The following CFAP299 variants were observed in gnomAD, a reference collection of about 807,000 sequenced individuals.
CFAP299 encodes cilia and flagella associated protein 299, also known as cilia- and flagella-associated protein 299.
In CFAP299, 21 loss-of-function variants were observed where a neutral mutation model predicts 27.0. The observed-to-expected ratio is 0.78, with a 90% CI of 0.55 to 1.12. CFAP299 has a LOEUF of 1.12. CFAP299 is among the 50% of genes most tolerant of loss of function. The pLI, the probability that CFAP299 is intolerant of heterozygous loss-of-function variation, is 0.00. For synonymous variants in CFAP299, 104 were observed against 98.1 expected (o/e 1.06, Z -0.36); for missense variants, 310 against 276.6 (o/e 1.12, Z -0.86).
Position 80,636,297 on chromosome 4 carries a change from A to G in CFAP299, c.333+53114A>G, listed in dbSNP as rs145340665. ...TATCCTCAGACCCTTCCTTTTCAAT[A>G]TTAAAAGGTCATCTATGAGTAAATG... is the stretch of plus-strand genomic sequence containing the variant. On this transcript the variant is annotated intron_variant, in intron 3 of 5. Transcript: ENST00000358105. Among the ~76,000 whole-genome samples the G allele has an allele frequency of 5.3e-5, 8 of 152,252 alleles. No homozygotes were observed. The East Asian group carries it at 1.4e-3, about 26-fold the overall frequency.
intron 3 of CFAP299, among the ~76,000 whole-genome samples, chr4:80,612,119 C>T (rs1738015460): frequency 6.6e-6 from 1 of 151,802 alleles, no homozygotes; most frequent in South Asian, 2.1e-4. Context: ...AGAATCCATA[C>T]AAACACATAA....
chr4:80,523,402 G>T (rs906518620), intron 2 of CFAP299, among the ~76,000 whole-genome samples: 1 of 152,080 alleles, frequency 6.6e-6, no homozygotes, highest in Admixed American at 6.6e-5. Flanking sequence ...TAAAATAATA[G>T]AATGTTTTAT....
chr4:80,725,404 C>T (rs1723100157), intron 3 of CFAP299, among the ~76,000 whole-genome samples: 1 of 151,548 alleles, frequency 6.6e-6, no homozygotes, highest in Admixed American at 6.6e-5. Flanking sequence ...ACTTTTTTAT[C>T]ATCTTTGTTT....
At chr4:80,639,585 C>T (rs1011806100) in intron 3 of CFAP299, 1 of 152,262 alleles carries the variant, frequency 6.6e-6, no homozygotes, top group African/African-American at 2.4e-5. Flanking sequence ...ATATAAGGTA[C>T]CTAGAGTAGT....
chr4:80,786,287 A>G (rs1727241384), intron 3 of CFAP299, among the ~76,000 whole-genome samples: 1 of 152,090 alleles, frequency 6.6e-6, no homozygotes, highest in Non-Finnish European at 1.5e-5. Flanking sequence ...AGGAGGTAGA[A>G]GGGAGACATT....
chr4:80,688,991 G>T (rs1409811908), intron 3 of CFAP299, among the ~76,000 whole-genome samples: 1 of 152,066 alleles, frequency 6.6e-6, no homozygotes, highest in African/African-American at 2.4e-5. Context: ...GAAGTTTAGA[G>T]AAAAAAGATA....
chr4:80,636,852 T>C (rs1481487860), intron 3 of CFAP299, among the ~76,000 whole-genome samples: 1 of 152,188 alleles, frequency 6.6e-6, no homozygotes, highest in Admixed American at 6.6e-5. Context: ...CCTAAAATAT[T>C]TACTTGTTCC....
intron 2 of CFAP299, among the ~76,000 whole-genome samples, chr4:80,517,464 C>A (rs994293380): frequency 2.6e-5 from 4 of 152,102 alleles, no homozygotes; most frequent in South Asian, 2.1e-4. Flanking sequence ...TGAAGGCATG[C>A]AGGTAGATGC....
chr4:80,599,165 T>C (rs915165904), intron 3 of CFAP299, among the ~76,000 whole-genome samples: 1 of 152,234 alleles, frequency 6.6e-6, no homozygotes, highest in African/African-American at 2.4e-5. Context: ...CTGTTCTATA[T>C]ATCATTAAGA....
intron 2 of CFAP299, among the ~76,000 whole-genome samples, chr4:80,493,920 C>T (rs1035490025): frequency 3.3e-5 from 5 of 151,300 alleles, no homozygotes; most frequent in East Asian, 1.9e-4. Flanking sequence ...GGACTACAGG[C>T]GCCCGCCACC....
At chr4:80,820,372 A>G (rs1443128584) in intron 3 of CFAP299, among the ~76,000 whole-genome samples, 1 of 152,212 alleles carries the variant, frequency 6.6e-6, no homozygotes, top group Non-Finnish European at 1.5e-5. Flanking sequence ...TTAAGAGATG[A>G]GACAAAAGCT....
intron 3 of CFAP299, among the ~76,000 whole-genome samples, chr4:80,770,582 G>A (rs1041021288): frequency 6.6e-6 from 1 of 152,168 alleles, no homozygotes; most frequent in Non-Finnish European, 1.5e-5. Context: ...CTCAAGAGAC[G>A]TGTGTCCTTT....
At chr4:80,811,008 C>T (rs1349269096) in intron 3 of CFAP299, among the ~76,000 whole-genome samples, 1 of 152,040 alleles carries the variant, frequency 6.6e-6, no homozygotes, top group African/African-American at 2.4e-5. Flanking sequence ...AGAATATAAA[C>T]TTTGTGAGAA....
chr4:80,654,949 T>C (rs750131001), intron 3 of CFAP299, among the ~76,000 whole-genome samples: 1 of 152,088 alleles, frequency 6.6e-6, no homozygotes, highest in South Asian at 2.1e-4. Flanking sequence ...AATTAAAATA[T>C]GTATTTTCAT....
chr4:80,404,868 T>C (rs975805283), intron 2 of CFAP299, among the ~76,000 whole-genome samples: 1 of 152,178 alleles, frequency 6.6e-6, no homozygotes, highest in Non-Finnish European at 1.5e-5. Flanking sequence ...ACTTTTTTCA[T>C]AGTAGCTGAA....
At chr4:80,615,461 T>G (rs906556987) in intron 3 of CFAP299, among the ~76,000 whole-genome samples, 10 of 152,316 alleles carry the variant, frequency 6.6e-5, no homozygotes, top group African/African-American at 2.4e-4. Flanking sequence ...AATACTTTAT[T>G]GTAGTGTATC....
intron 2 of CFAP299, among the ~76,000 whole-genome samples, chr4:80,428,400 A>G (rs1019483931): frequency 6.6e-6 from 1 of 152,238 alleles, no homozygotes; most frequent in Non-Finnish European, 1.5e-5. Flanking sequence ...TAGTAGCAGC[A>G]TGTTTTAACC....
chr4:80,632,630 A>G (rs141366478), intron 3 of CFAP299, among the ~76,000 whole-genome samples: 1,599 of 152,210 alleles, frequency 0.011, 23 homozygotes, highest in African/African-American at 0.036. Context: ...TTACATATAT[A>G]TACATATGAG....
At chr4:80,407,981 GTTTA>G (rs1428142395) in intron 2 of CFAP299, among the ~76,000 whole-genome samples, 1 of 152,050 alleles carries the variant, frequency 6.6e-6, no homozygotes, top group African/African-American at 2.4e-5. Context: ...TGCTGCTATT[GTTTA>G]TTTGTTTGGC....
Sources: gnomAD v4.1 joint callset for allele counts (sites outside exome capture counted in the v4.1 genomes callset) on GRCh38, gnomAD v4.1.1 for gene constraint, MANE v1.5 for transcripts, NCBI Gene and HGNC (gene_info 2026-07-23, HGNC 2026-07-21) for gene names.